The following PHTF2 variants were observed in gnomAD, a reference collection of about 807,000 sequenced individuals.
PHTF2 encodes the protein putative homeodomain transcription factor 2, also known as protein PHTF2.
A neutral mutation model predicts 101.2 loss-of-function variants in PHTF2; 60 were observed. The observed-to-expected ratio is 0.59, with a 90% CI of 0.48 to 0.73. PHTF2 has a LOEUF of 0.73. Among genes scored for constraint, PHTF2 ranks in the 30% least tolerant of loss-of-function variants. The probability of loss-of-function intolerance (pLI) is 0.00; values close to 1 mark genes in which losing one functional copy is unlikely to be tolerated. For synonymous variants in PHTF2, 311 were observed against 307.3 expected, an observed-to-expected ratio of 1.01 and a Z score of -0.13; for missense variants, 747 against 908.7, an observed-to-expected ratio of 0.82 and a Z score of 2.29.
At position 77,906,795 on chromosome 7, in the gene PHTF2, C is replaced by A. The variant is rs559927745; in HGVS notation, c.446-1998C>A. ...TGGTGGCGGGCACCTGTAGTCCCAG[C>A]CACTCGGGAGCCTGAGGCAGGAGAA... On this transcript the variant is annotated intron_variant, in intron 7 of 19. Coordinates refer to ENST00000416283, the Ensembl canonical transcript of PHTF2. Among the ~76,000 whole-genome samples, 58 of 152,254 alleles carry A rather than the reference C, an allele frequency of 3.8e-4. No homozygotes were observed. In the Middle Eastern group the frequency reaches 0.01, roughly 27 times the overall value.
chr7:77,942,648 G>A, intron 15 of PHTF2, 52 bp from the exon 15 acceptor site: 2 of 997,580 alleles, frequency 2.0e-6, no homozygotes, highest in Non-Finnish European at 1.5e-6. Flanking sequence ...CTGCTGATTA[G>A]TAAATATATT....
chr7:77,944,896 A>T (rs1394457485), intron 16 of PHTF2, among the ~76,000 whole-genome samples: 3 of 152,260 alleles, frequency 2.0e-5, no homozygotes, highest in Non-Finnish European at 4.4e-5. Flanking sequence ...AAACACAATG[A>T]ACAGAATAAA....
intron 3 of PHTF2, among the ~76,000 whole-genome samples, chr7:77,877,773 AG>A (rs764656451): frequency 2.0e-5 from 3 of 152,104 alleles, no homozygotes; most frequent in African/African-American, 2.4e-5. Flanking sequence ...AAGGCTGTGT[AG>A]GGCCCCTTAG....
At chr7:77,919,284 G>GT (rs1044951195) in intron 9 of PHTF2, among the ~76,000 whole-genome samples, 1 of 152,118 alleles carries the variant, frequency 6.6e-6, no homozygotes, top group African/African-American at 2.4e-5. Context: ...CTAATGTGGG[G>GT]TTTTTTGGTA....
chr7:77,932,473 T>C (rs1490879975), intron 12 of PHTF2, among the ~76,000 whole-genome samples: 1 of 152,038 alleles, frequency 6.6e-6, no homozygotes, highest in Non-Finnish European at 1.5e-5. Context: ...AGGGATCTAC[T>C]GGCAATAAGC....
chr7:77,850,968 T>C (rs1240608487), intron 2 of PHTF2, among the ~76,000 whole-genome samples: 5 of 152,228 alleles, frequency 3.3e-5, no homozygotes, highest in Admixed American at 3.3e-4. Context: ...AGATAAATCC[T>C]ACTTGGTCAT....
chr7:77,920,767 A>T (rs962238753), intron 10 of PHTF2, among the ~76,000 whole-genome samples: 1 of 152,104 alleles, frequency 6.6e-6, no homozygotes, highest in East Asian at 1.9e-4. Context: ...CAGCATCCTC[A>T]GCCTCCCAGG....
chr7:77,912,151 T>C (rs1390809938), intron 9 of PHTF2, among the ~76,000 whole-genome samples: 1 of 152,238 alleles, frequency 6.6e-6, no homozygotes, highest in Non-Finnish European at 1.5e-5. Context: ...ATTCCTCCTG[T>C]TGGGCAGCAG....
At chr7:77,840,468 A>T (rs1584457082) in intron 2 of PHTF2, among the ~76,000 whole-genome samples, 168 bp downstream of exon 2, 1 of 152,164 alleles carries the variant, frequency 6.6e-6, no homozygotes, top group East Asian at 1.9e-4. Flanking sequence ...GCTTAAACAT[A>T]TTTTTTCTCT....
intron 2 of PHTF2, among the ~76,000 whole-genome samples, chr7:77,847,420 G>A (rs1796390738): frequency 6.6e-6 from 1 of 152,132 alleles, no homozygotes; most frequent in East Asian, 1.9e-4. Context: ...ATTTGATTTT[G>A]TGACATTTAC....
intron 2 of PHTF2, among the ~76,000 whole-genome samples, chr7:77,840,607 T>G (rs1795791812): frequency 1.3e-5 from 2 of 152,190 alleles, no homozygotes; most frequent in Admixed American, 6.5e-5. Context: ...AAAAGAAAGA[T>G]TAGCAGAGCT....
At chr7:77,924,950 T>C (rs988049068) in intron 11 of PHTF2, among the ~76,000 whole-genome samples, 2 of 152,182 alleles carry the variant, frequency 1.3e-5, no homozygotes, top group Non-Finnish European at 2.9e-5. Context: ...TTGGGAGGAA[T>C]TACTTGGTTA....
intron 12 of PHTF2, among the ~76,000 whole-genome samples, chr7:77,930,818 T>C (rs1804499510): frequency 6.6e-6 from 1 of 152,320 alleles, no homozygotes; most frequent in African/African-American, 2.4e-5. Context: ...TGTCTGGTTT[T>C]GGTTGGAGTT....
At chr7:77,853,371 A>G (rs998285447) in intron 2 of PHTF2, among the ~76,000 whole-genome samples, 3 of 149,742 alleles carry the variant, frequency 2.0e-5, no homozygotes, top group East Asian at 1.9e-4. Flanking sequence ...TTTCTTCAGT[A>G]TGTCAGTTGA....
At chr7:77,871,266 G>A (rs1054134184) in intron 3 of PHTF2, among the ~76,000 whole-genome samples, 1 of 152,166 alleles carries the variant, frequency 6.6e-6, no homozygotes, top group Non-Finnish European at 1.5e-5. Context: ...CGCCTTAATG[G>A]ATCTTGTGTA....
chr7:77,891,242 A>T (rs1027139609), intron 3 of PHTF2, among the ~76,000 whole-genome samples: 2 of 152,200 alleles, frequency 1.3e-5, no homozygotes, highest in African/African-American at 4.8e-5. Context: ...GGCCTAAAAA[A>T]TAAATTTTTA....
chr7:77,948,287 A>G (rs1166387953), intron 16 of PHTF2, among the ~76,000 whole-genome samples: 1 of 152,166 alleles, frequency 6.6e-6, no homozygotes, highest in East Asian at 1.9e-4. Flanking sequence ...AGCCATATAT[A>G]TGTAGAAACC....
intron 3 of PHTF2, among the ~76,000 whole-genome samples, chr7:77,878,827 T>A (rs143248899): frequency 0.011 from 1,612 of 152,322 alleles, 18 homozygotes; most frequent in Non-Finnish European, 0.016. Context: ...ATTTTTAATC[T>A]CTAAATTAAA....
intron 8 of PHTF2, chr7:77,909,222 A>G (rs1802142595): frequency 3.4e-6 from 1 of 293,030 alleles, no homozygotes. Flanking sequence ...ATCAATGTAG[A>G]CAATATATGT....
Sources: allele counts gnomAD v4.1 joint callset (sites outside exome capture counted in the v4.1 genomes callset), GRCh38; gene constraint gnomAD v4.1.1; transcripts MANE v1.5; gene names NCBI Gene and HGNC (gene_info 2026-07-23, HGNC 2026-07-21).